Variants in BZW2 observed in about 807,000 individuals in gnomAD.
The protein encoded by BZW2 is basic leucine zipper and W2 domains 2, also known as eIF5-mimic protein 1.
In BZW2, 23 loss-of-function variants were observed where a neutral mutation model predicts 53.2. The observed-to-expected ratio is 0.43, with a 90% CI of 0.31 to 0.61. BZW2 has a LOEUF of 0.61. Among genes scored for constraint, BZW2 ranks in the 20% least tolerant of loss-of-function variants. The pLI is 0.09. For missense variants in BZW2, 409 were observed against 503.1 expected (o/e 0.81, Z 1.79); for synonymous variants, 227 against 186.4 (o/e 1.22, Z -1.77).
chr7:16,676,284 C>A (rs148445920), intron 3 of BZW2, among the ~76,000 whole-genome samples: 1 of 152,098 alleles, frequency 6.6e-6, no homozygotes, highest in Non-Finnish European at 1.5e-5. Flanking sequence ...CACGGTGGCT[C>A]ACACCTGTAA....
In BZW2 at chr7:16,699,826, T is replaced by A. The variant is rs542233178; in HGVS notation, c.1108+1640T>A. 3.6e-4 allele frequency among the ~76,000 whole-genome samples: 55 copies of A among 152,314 alleles called. 1 individual carries two copies. In the South Asian group the frequency reaches 0.01, roughly 29 times the overall value. On this transcript the variant is annotated intron_variant, in intron 10 of 11. Coordinates refer to ENST00000258761, the MANE Select transcript of BZW2 (RefSeq NM_014038.3). ...TTAGACTTAGACTTCTTATAACAAC[T>A]ACTGACAGGTAGTAAAACTGGCTAC...
chr7:16,651,774 TC>T (rs963340668), intron 1 of BZW2, among the ~76,000 whole-genome samples: 6 of 152,040 alleles, frequency 3.9e-5, no homozygotes, highest in Non-Finnish European at 5.9e-5. Flanking sequence ...AAATGCCTTT[TC>T]CCCCCCACCG....
intron 5 of BZW2, 116 bp from the exon 6 acceptor site, chr7:16,685,789 C>T (rs1783096642): frequency 7.8e-7 from 1 of 1,274,568 alleles, no homozygotes; most frequent in African/African-American, 1.5e-5. Context: ...GTTTGTGTGC[C>T]ACGTAGCCAT....
At chr7:16,676,475 G>A (rs1782769000) in intron 3 of BZW2, among the ~76,000 whole-genome samples, 1 of 149,558 alleles carries the variant, frequency 6.7e-6, no homozygotes, top group Non-Finnish European at 1.5e-5. Context: ...TTGAATCCAG[G>A]AAGTGGAGGT....
chr7:16,681,541 C>T (rs1165927087), intron 4 of BZW2, 137 bp downstream of exon 4: 2 of 706,284 alleles, frequency 2.8e-6, no homozygotes, highest in African/African-American at 3.6e-5. Context: ...ATTAAAACTA[C>T]AAAAATAGGC....
chr7:16,686,178 G>A (rs1783120306), intron 6 of BZW2, 138 bp downstream of exon 6: 5 of 1,315,804 alleles, frequency 3.8e-6, no homozygotes, highest in Non-Finnish European at 5.2e-6. Flanking sequence ...TTGTATGGGT[G>A]TATATTGCCT....
In BZW2 at chr7:16,650,029, A is replaced by G. The variant is rs182508255; in HGVS notation, c.-8+3741A>G. 2.5e-3 allele frequency among the ~76,000 whole-genome samples: 380 copies of G among 152,302 alleles called. 1 individual carries two copies. Among genetic ancestry groups the G allele is most frequent in the African/African-American group, 7.8e-3 (325 of 41,576 alleles). Reference sequence around the variant, plus strand: ...AAGAAATCTTTTTTTTTTAAACACAACATAAGAAAGTAATATAAATACAAA... The same window carrying G: ...AAGAAATCTTTTTTTTTTAAACACAGCATAAGAAAGTAATATAAATACAAA... On this transcript the variant is annotated intron_variant, in intron 1 of 11. Coordinates refer to ENST00000258761, the MANE Select transcript of BZW2 (RefSeq NM_014038.3).
intron 7 of BZW2, among the ~76,000 whole-genome samples, chr7:16,690,175 T>G (rs1783255893): frequency 6.6e-6 from 1 of 152,082 alleles, no homozygotes; most frequent in African/African-American, 2.4e-5. Context: ...TCATCAGAAT[T>G]AAGACTTTGT....
At position 16,704,568 on chromosome 7, in the gene BZW2, C is replaced by A. The variant is rs560509631; in HGVS notation, c.1130C>A (p.Ala377Glu). The change falls in exon 11 of 12, where the codon GCA (alanine) becomes GAA (glutamate). Residue 377 changes from alanine to glutamate, a missense_variant. By Grantham distance (107) the Ala-to-Glu change is moderately radical (BLOSUM62 -1). Coordinates refer to ENST00000258761, the MANE Select transcript of BZW2 (RefSeq NM_014038.3). ...GCAGCTGATGTTCTGAGCGAAGAAG[C>A]AATACTGAAATGGTATAAGGAAGCA... ...FYKADVLSEE[A>E]ILKWYKEAHV... 3.8e-6 allele frequency: 6 copies of A among 1,563,658 alleles called. No individual in the cohort carries two copies. The highest frequency in any genetic ancestry group is 5.3e-6 in the Non-Finnish European group (6 of 1,142,460).
chr7:16,676,773 TCA>T (rs1269122448), intron 3 of BZW2, among the ~76,000 whole-genome samples: 1 of 152,210 alleles, frequency 6.6e-6, no homozygotes, highest in Non-Finnish European at 1.5e-5. Context: ...CTTGCCAAAG[TCA>T]CATGACTGTA....
In BZW2 at chr7:16,660,939, C is replaced by A. The variant is rs116041192; in HGVS notation, c.-7-4498C>A. 4.0e-3 allele frequency among the ~76,000 whole-genome samples: 615 copies of A among 152,216 alleles called. 6 individuals carry two copies. The highest frequency in any genetic ancestry group is 0.014 in the African/African-American group (572 of 41,568). Reference sequence around the variant, plus strand: ...CCATGACCATTTGTCTGCATATTGTCCATGGCTGCTTTCACACTGTAACAG... The same window carrying A: ...CCATGACCATTTGTCTGCATATTGTACATGGCTGCTTTCACACTGTAACAG... On this transcript the variant is annotated intron_variant, in intron 1 of 11. Coordinates refer to ENST00000258761, the MANE Select transcript of BZW2 (RefSeq NM_014038.3).
chr7:16,663,598 A>AT lies in BZW2; in HGVS notation c.-7-1833dup, dbSNP rs747217963. 2.6e-5 allele frequency among the ~76,000 whole-genome samples: 4 copies of AT among 152,062 alleles called. No homozygotes were observed. In the East Asian group the frequency reaches 5.8e-4, roughly 22 times the overall value. ...AAATAATTTTTTCATGTTCTTAAGG[A>AT]TTTTTTAAAAAAAACTTTTGGGAGT... is the stretch of plus-strand genomic sequence containing the variant. On this transcript the variant is annotated intron_variant, in intron 1 of 11. Coordinates refer to ENST00000258761, the MANE Select transcript of BZW2 (RefSeq NM_014038.3).
Position 16,694,902 on chromosome 7 carries a change from G to A in BZW2, c.720G>A (p.Lys240=). 6.3e-7 allele frequency: 1 copy of A among 1,595,858 alleles called. No individual in the cohort carries two copies. The highest frequency in any genetic ancestry group is 8.6e-7 in the Non-Finnish European group (1 of 1,165,756). The stretch of plus-strand genomic sequence containing the variant: ...AATACTTCACTGACGCAGGTCTTAA[G>A]GAGCTTTCCGACTTCCTCCGAGTCC... The part of the protein sequence containing the change: ...FAKYFTDAGL[K]ELSDFLRVQQ... The change falls in exon 8 of 12, where the codon AAG becomes AAA. Residue 240 remains lysine (K), a synonymous_variant. Transcript: ENST00000258761.
intron 11 of BZW2, among the ~76,000 whole-genome samples, chr7:16,705,490 C>A (rs1225328349): frequency 6.6e-6 from 1 of 152,008 alleles, no homozygotes; most frequent in Admixed American, 6.6e-5. Context: ...TCGAGACCAT[C>A]TTGCCTAACA....
chr7:16,679,302 AACAAATGTCCATGAAATCTTC>A (rs1192662796), intron 3 of BZW2, among the ~76,000 whole-genome samples: 6 of 152,230 alleles, frequency 3.9e-5, no homozygotes, highest in Non-Finnish European at 7.3e-5. Context: ...TTGGGGAACT[AACAAATGTCCATGAAATCTTC>A]ACAATTTATG....
intron 2 of BZW2, among the ~76,000 whole-genome samples, chr7:16,672,776 A>G (rs1782643643): frequency 6.6e-6 from 1 of 152,152 alleles, no homozygotes; most frequent in Non-Finnish European, 1.5e-5. Flanking sequence ...CCTGGCTCCA[A>G]GTCGACCTTC....
intron 7 of BZW2, among the ~76,000 whole-genome samples, chr7:16,690,453 C>T (rs1394917174): frequency 6.6e-6 from 1 of 152,176 alleles, no homozygotes; most frequent in Non-Finnish European, 1.5e-5. Flanking sequence ...AATCCGCCCA[C>T]CTCAGCCTCC....
chr7:16,657,243 A>G (rs1562476058), intron 1 of BZW2, among the ~76,000 whole-genome samples: 1 of 152,244 alleles, frequency 6.6e-6, no homozygotes, highest in Non-Finnish European at 1.5e-5. Flanking sequence ...GGTAAGAAGA[A>G]TAAGAGGTGC....
At chr7:16,670,881 A>C (rs1391669511) in intron 2 of BZW2, among the ~76,000 whole-genome samples, 2 of 152,148 alleles carry the variant, frequency 1.3e-5, no homozygotes, top group Non-Finnish European at 2.9e-5. Context: ...GTCCCAGTTA[A>C]TTTATGTGTG....
Sources: allele counts gnomAD v4.1 joint callset (sites outside exome capture counted in the v4.1 genomes callset), GRCh38; gene constraint gnomAD v4.1.1; transcripts MANE v1.5; gene names NCBI Gene and HGNC (gene_info 2026-07-23, HGNC 2026-07-21).